SPTBN1: variants seen among roughly 807,000 people sequenced by gnomAD.
SPTBN1 encodes spectrin beta chain, non-erythrocytic 1.
Under a neutral mutation model 266.4 loss-of-function variants are expected in SPTBN1, and 32 were observed. The observed-to-expected ratio is 0.12, with a 90% CI of 0.09 to 0.16. The LOEUF is 0.16. SPTBN1 is among the 10% of genes least tolerant of loss of function. The pLI is 1.00. For missense variants in SPTBN1, 2,296 were observed against 3,067.1 expected (o/e 0.75, Z 5.94); for synonymous variants, 1,336 against 1,162.2 (o/e 1.15, Z -3.04).
chr2:54,509,960 T>C (rs59633933), intron 1 of SPTBN1, among the ~76,000 whole-genome samples: 2,996 of 134,630 alleles, frequency 0.022, 116 homozygotes, highest in African/African-American at 0.08. Flanking sequence ...TTCTTTCTTT[T>C]TTTTTTTTTT....
chr2:54,506,641 G>A (rs2104170369), intron 1 of SPTBN1, among the ~76,000 whole-genome samples: 1 of 152,200 alleles, frequency 6.6e-6, no homozygotes, highest in East Asian at 1.9e-4. Flanking sequence ...CTGGGAGCTA[G>A]ACACTATATT....
chr2:54,529,631 C>G (rs1218673541), intron 2 of SPTBN1: 8 of 701,426 alleles, frequency 1.1e-5, no homozygotes, highest in Non-Finnish European at 2.1e-5. Context: ...CAACAACACC[C>G]TTGTGTTCAC....
chr2:54,566,788 G>A (rs766891345), intron 2 of SPTBN1, among the ~76,000 whole-genome samples: 8 of 151,802 alleles, frequency 5.3e-5, no homozygotes, highest in Non-Finnish European at 1.0e-4. Flanking sequence ...CCAAGATTGC[G>A]CCACTGCACT....
At position 54,626,262 on chromosome 2, in the gene SPTBN1, CAG is replaced by C. The variant is rs1193916158; in HGVS notation, c.1644+31_1644+32del. The C allele has an allele frequency of 2.5e-6, 4 of 1,597,828 alleles. No homozygotes were observed. The Admixed American group carries it at 6.8e-5, about 27-fold the overall frequency. On this transcript the variant is annotated intron_variant, in intron 12 of 35. Coordinates refer to ENST00000356805, the MANE Select transcript of SPTBN1 (RefSeq NM_003128.3). The surrounding 1 kb of genome is among the most constrained non-coding windows in gnomAD (Gnocchi z 4.7). ...AAAACCTGACCGAAAGGAAGGACGA[CAG>C]AGCTGATCCAACCAGGGCTCTCTTT...
chr2:54,482,876 CTTT>C (rs1208859627), intron 1 of SPTBN1, among the ~76,000 whole-genome samples: 1 of 152,208 alleles, frequency 6.6e-6, no homozygotes, highest in African/African-American at 2.4e-5. Flanking sequence ...TCACTCCATA[CTTT>C]TTTAAGCAGC....
rs766411385 is a variant in SPTBN1, at chr2:54,665,931, T to C, written c.6676T>C (p.Tyr2226His). 11 of 1,613,914 alleles carry C rather than the reference T, an allele frequency of 6.8e-6. No homozygotes were observed. The East Asian group carries it at 1.6e-4, about 23-fold the overall frequency. ...KASSRSWHNV[Y>H]CVINNQEMGF... ...ACTGCACAGGTCCTGGCACAATGTT[T>C]ATTGTGTCATAAATAACCAAGAAAT... is the stretch of plus-strand genomic sequence containing the variant. The change falls in exon 34 of 36, where the codon TAT (tyrosine) becomes CAT (histidine). Residue 2226 changes from tyrosine (Y) to histidine (H), a missense_variant. Around this residue, in one of 12 missense-constraint regions of SPTBN1, gnomAD observed 347 missense variants for 368.5 expected, o/e 0.94. Coordinates refer to ENST00000356805, the MANE Select transcript of SPTBN1 (RefSeq NM_003128.3).
chr2:54,574,362 G>A (rs567756114), intron 2 of SPTBN1, among the ~76,000 whole-genome samples: 3 of 152,128 alleles, frequency 2.0e-5, no homozygotes, highest in Non-Finnish European at 4.4e-5. Context: ...CTGCTTCTCC[G>A]AGATAGTTAT....
At chr2:54,594,848 T>TTTA (rs940227909) in intron 2 of SPTBN1, among the ~76,000 whole-genome samples, 1 of 147,566 alleles carries the variant, frequency 6.8e-6, no homozygotes, top group African/African-American at 2.6e-5. Flanking sequence ...TTTTTTTTTT[T>TTTA]TTTGAGACAG....
At chr2:54,485,870 C>T (rs543396224) in intron 1 of SPTBN1, among the ~76,000 whole-genome samples, 1 of 151,776 alleles carries the variant, frequency 6.6e-6, no homozygotes, top group African/African-American at 2.4e-5. Flanking sequence ...AGGAGCGCCT[C>T]TGCCCGGCCG....
intron 1 of SPTBN1, 31 bp from the exon 2 acceptor site, chr2:54,526,341 G>A (rs1034238767): frequency 1.0e-5 from 16 of 1,569,450 alleles, no homozygotes; most frequent in East Asian, 4.5e-5. Flanking sequence ...CACTTCAGAC[G>A]TCTAAATGTT....
rs749076484 is a variant in SPTBN1 at position 54,645,325 on chromosome 2, G to C, written c.4366G>C (p.Val1456Leu). ...TCAGGAAGGGAAGAGCACCGACGAG[G>C]TAGACAGCAAGCGCCTCACCGTGCA... ...LSQEGKSTDE[V>L]DSKRLTVQTK... Residue 1456 changes from valine (V) to leucine (L), a missense_variant, in exon 21 of 36, where the codon GTA (valine) becomes CTA (leucine). Val to Leu is a conservative substitution (Grantham distance 32). Coordinates refer to ENST00000356805, the MANE Select transcript of SPTBN1 (RefSeq NM_003128.3). This position sits in a 1 kb window ranked among gnomAD's most constrained non-coding sequence, Gnocchi z 4.3. 2 of 1,614,210 alleles carry C rather than the reference G, an allele frequency of 1.2e-6. No homozygotes were observed. The highest frequency in any genetic ancestry group is 1.1e-5 in the South Asian group (1 of 91,088).
Position 54,645,849 on chromosome 2 carries a change from C to G in SPTBN1, c.4495-79C>G, listed in dbSNP as rs1459148761. The G allele has an allele frequency of 6.7e-7, 1 of 1,488,680 alleles. No homozygotes were observed. The highest frequency in any genetic ancestry group is 2.3e-5 in the East Asian group (1 of 44,062). The allele number at this position is 1,488,680 out of a possible 1,614,324, so 92.2% of individuals were successfully genotyped here. On this transcript the variant is annotated intron_variant, in intron 21 of 35. Transcript: ENST00000356805. The surrounding 1 kb of genome is among the most constrained non-coding windows in gnomAD (Gnocchi z 4.3). The stretch of plus-strand genomic sequence containing the variant: ...TCTGAAGCTCACCCTTGCTGTCCCT[C>G]ACTGCCCCTCACTGCTCGTTTGTGT...
chr2:54,563,919 A>C lies in SPTBN1; in HGVS notation c.149-35173A>C, dbSNP rs563567874. On this transcript the variant is annotated intron_variant, in intron 2 of 35. Coordinates refer to ENST00000356805, the MANE Select transcript of SPTBN1 (RefSeq NM_003128.3). ...TTCTCGAACTTTTTGTAGATAAAGA[A>C]ATAGATCGTTGGATTATTATCCATC... Among the ~76,000 whole-genome samples, 129 of 152,276 alleles carry C rather than the reference A, an allele frequency of 8.5e-4. 3 individuals are homozygous for C. In the South Asian group the frequency reaches 0.025, roughly 30 times the overall value.
In SPTBN1 at chr2:54,533,891, GTC is replaced by G. The variant is rs1175767101; in HGVS notation, c.148+7334_148+7335del. Among the ~76,000 whole-genome samples the G allele has an allele frequency of 8.3e-5, 10 of 120,656 alleles. No individual in the cohort carries two copies. The highest frequency in any genetic ancestry group is 3.4e-4 in the Admixed American group (4 of 11,916). 79.2% of individuals were successfully genotyped at this position (120,656 alleles called of 152,430 possible). A position where few individuals can be genotyped will look rare whatever the true frequency, so the allele number is the denominator to read the frequency against. On this transcript the variant is annotated intron_variant, in intron 2 of 35. Coordinates refer to ENST00000356805, the MANE Select transcript of SPTBN1 (RefSeq NM_003128.3). This position sits in a 1 kb window ranked among gnomAD's most constrained non-coding sequence, Gnocchi z 4.2. ...GGGGGAAAGATTGATCTCTCTCTCT[GTC>G]TCTCTCTCACACACACACACACACA... is the stretch of plus-strand genomic sequence containing the variant.
chr2:54,492,434 T>C (rs948956533), intron 1 of SPTBN1, among the ~76,000 whole-genome samples: 5 of 146,790 alleles, frequency 3.4e-5, no homozygotes, highest in African/African-American at 1.3e-4. Context: ...CCTTTTCCCC[T>C]AGATCCCTGA....
chr2:54,661,434 C>T (rs1412802539), intron 32 of SPTBN1: 1 of 985,694 alleles, frequency 1.0e-6, no homozygotes. Flanking sequence ...TTTCATGATG[C>T]ATGTCTTTTT....
At chr2:54,513,052 CATG>C (rs1669939042) in intron 1 of SPTBN1, among the ~76,000 whole-genome samples, 1 of 152,088 alleles carries the variant, frequency 6.6e-6, no homozygotes, top group Admixed American at 6.6e-5. Context: ...ATTAGCCAGG[CATG>C]GTGGTGTGTG....
chr2:54,619,564 G>A (rs531135279), intron 7 of SPTBN1, among the ~76,000 whole-genome samples: 3 of 152,188 alleles, frequency 2.0e-5, no homozygotes, highest in Admixed American at 6.5e-5. Flanking sequence ...TATCCTGTGG[G>A]TTTGATCTTG....
intron 2 of SPTBN1, chr2:54,557,856 A>G (rs1382190902): frequency 5.1e-6 from 5 of 985,244 alleles, no homozygotes; most frequent in African/African-American, 3.5e-5. Flanking sequence ...GGCGCTGCAC[A>G]GCGCCCTGAG....
Sources: gnomAD v4.1 joint callset for allele counts (sites outside exome capture counted in the v4.1 genomes callset) on GRCh38, gnomAD v4.1.1 for gene constraint, gnomAD v4.1.1 regional missense constraint, Gnocchi (gnomAD v3.1) non-coding constraint, MANE v1.5 for transcripts, NCBI Gene and HGNC (gene_info 2026-07-23, HGNC 2026-07-21) for gene names.